Variants in ENAH observed in about 807,000 individuals in gnomAD.
ENAH encodes ENAH actin regulator.
A neutral mutation model predicts 78.7 loss-of-function variants in ENAH; 23 were observed. That is an observed-to-expected ratio of 0.29 (90% CI 0.21 to 0.41). The LOEUF (loss-of-function observed/expected upper bound fraction) is 0.41, where lower values mean the gene tolerates loss of function less well. Among genes scored for constraint, ENAH ranks in the 10% least tolerant of loss-of-function variants. The probability of loss-of-function intolerance (pLI) is 1.00; values close to 1 mark genes in which losing one functional copy is unlikely to be tolerated. For synonymous variants in ENAH, 226 were observed against 241.0 expected, an observed-to-expected ratio of 0.94 and a Z score of 0.58; for missense variants, 544 against 691.0, an observed-to-expected ratio of 0.79 and a Z score of 2.39.
At chr1:225,610,320 GAT>G (rs1229279059) in intron 1 of ENAH, among the ~76,000 whole-genome samples, 10 of 152,178 alleles carry the variant, frequency 6.6e-5, no homozygotes, top group Admixed American at 5.9e-4. Flanking sequence ...AATAAGAAAA[GAT>G]AGAGAAGTTT....
Position 225,530,643 on chromosome 1 carries a change from A to C in ENAH, c.350-5T>G. 6.2e-7 allele frequency: 1 copy of C among 1,605,812 alleles called. No homozygotes were observed. The highest frequency in any genetic ancestry group is 1.1e-5 in the South Asian group (1 of 90,816). ...TTTGTCTAGGCAATGTTGGCCCTAC[A>C]GAGGGAGAAAACATTACAGATGAAC... On this transcript the variant is annotated splice_region_variant and splice_polypyrimidine_tract_variant and intron_variant, in intron 3 of 13. Transcript: ENST00000366843.
At chr1:225,551,088 C>G (rs1217004601) in intron 3 of ENAH, among the ~76,000 whole-genome samples, 1 of 151,868 alleles carries the variant, frequency 6.6e-6, no homozygotes, top group Non-Finnish European at 1.5e-5. Context: ...GGTAATACAC[C>G]CATTTAAAAT....
Position 225,652,916 on chromosome 1 carries a change from G to A in ENAH, c.-226C>T. ...AGAGAAAGGCTGGGGAGGGGGCGGA[G>A]AGGCCGAGGCGCGGAGCTGGTCCCC... is the stretch of plus-strand genomic sequence containing the variant. On this transcript the variant is annotated 5_prime_UTR_variant, in exon 1 of 14. Transcript: ENST00000366843. 5.1e-6 allele frequency: 2 copies of A among 392,140 alleles called. No homozygotes were observed. Among genetic ancestry groups the A allele is most frequent in the Non-Finnish European group, 4.5e-6 (1 of 222,612 alleles). 24.3% of individuals were successfully genotyped at this position (392,140 alleles called of 1,614,324 possible).
chr1:225,528,905 C>CGAGG (rs1324724694), intron 4 of ENAH, among the ~76,000 whole-genome samples: 1 of 152,092 alleles, frequency 6.6e-6, no homozygotes, highest in Non-Finnish European at 1.5e-5. Context: ...AAAACCTCAA[C>CGAGG]CCCTCTCCTT....
chr1:225,602,791 T>C (rs2096937592), intron 1 of ENAH, among the ~76,000 whole-genome samples: 1 of 152,154 alleles, frequency 6.6e-6, no homozygotes, highest in South Asian at 2.1e-4. Flanking sequence ...TCACTGCTGC[T>C]GATGACATCA....
Position 225,582,302 on chromosome 1 carries a change from T to C in ENAH, c.6-14888A>G, listed in dbSNP as rs560274116. ...TAAAGCCTATGGAACCGTAAGCCAA[T>C]TAAACTTCTGTTCTTTATACATTAC... On this transcript the variant is annotated intron_variant, in intron 1 of 13. Coordinates refer to ENST00000366843, the MANE Select transcript of ENAH (RefSeq NM_018212.6). Among the ~76,000 whole-genome samples the C allele has an allele frequency of 3.9e-5, 6 of 152,282 alleles. No individual in the cohort carries two copies. The East Asian group carries it at 1.2e-3, about 29-fold the overall frequency.
intron 9 of ENAH, 117 bp from the exon 10 acceptor site, chr1:225,511,976 A>G: frequency 1.7e-6 from 1 of 599,122 alleles, no homozygotes; most frequent in Non-Finnish European, 2.9e-6. Flanking sequence ...TTTCTCTTTC[A>G]TCGGTCTTCT....
intron 1 of ENAH, 70 bp downstream of exon 1, chr1:225,652,616 C>A (rs1558969528): frequency 4.8e-6 from 6 of 1,246,784 alleles, no homozygotes; most frequent in Non-Finnish European, 5.1e-6. Flanking sequence ...AGGCGGGGTC[C>A]GAGGAGAACG....
chr1:225,645,032 A>G (rs1661690079), intron 1 of ENAH, among the ~76,000 whole-genome samples: 4 of 152,186 alleles, frequency 2.6e-5, no homozygotes, highest in Admixed American at 2.0e-4. Flanking sequence ...TACAGCTCCA[A>G]AATTTGTTCA....
At chr1:225,643,409 C>A (rs565612200) in intron 1 of ENAH, among the ~76,000 whole-genome samples, 1,828 of 150,128 alleles carry the variant, frequency 0.012, 23 homozygotes, top group Middle Eastern at 0.024. Flanking sequence ...AAAAAAAAAA[C>A]AAAACACAGC....
At chr1:225,559,906 C>T (rs77756568) in intron 2 of ENAH, among the ~76,000 whole-genome samples, 6,555 of 152,192 alleles carry the variant, frequency 0.043, 228 homozygotes, top group South Asian at 0.11. Context: ...CCTGGGTTCA[C>T]GGCAAAAGAC....
At position 225,519,342 on chromosome 1, in the gene ENAH, C is replaced by A; in HGVS notation, c.658G>T (p.Glu220Ter). The A allele has an allele frequency of 6.8e-7, 1 of 1,480,264 alleles. No individual in the cohort carries two copies. The highest frequency in any genetic ancestry group is 9.1e-7 in the Non-Finnish European group (1 of 1,093,832). The allele number at this position is 1,480,264 out of a possible 1,614,324, so 91.7% of individuals were successfully genotyped here. A position where few individuals can be genotyped will look rare whatever the true frequency, so the allele number is the denominator to read the frequency against. The change falls in exon 5 of 14, where the codon GAA (glutamate) becomes TAA (stop). Residue 220 changes from glutamate (E) to a stop codon, truncating the protein, a stop_gained. Transcript: ENST00000366843. LOFTEE classifies it high-confidence loss of function. Reference protein sequence around the residue: ...LERQERLERQERLDRERQERQ... With the variant: ...LERQERLERQ The stretch of plus-strand genomic sequence containing the variant: ...TCTTGCCTCTCCCGATCCAGGCGTT[C>A]CTGCCGCTCCAGGCGTTCCTGCCGC...
chr1:225,511,241 CAT>C (rs569885974), intron 10 of ENAH, among the ~76,000 whole-genome samples: 3 of 152,120 alleles, frequency 2.0e-5, no homozygotes, highest in South Asian at 2.1e-4. Flanking sequence ...GAAGAAATAA[CAT>C]GTGAATATGT....
At chr1:225,572,170 A>C (rs2151546510) in intron 1 of ENAH, among the ~76,000 whole-genome samples, 1 of 152,216 alleles carries the variant, frequency 6.6e-6, no homozygotes, top group South Asian at 2.1e-4. Flanking sequence ...GAATTATTGG[A>C]CACCCAGCTG....
Position 225,517,189 on chromosome 1 carries a change from G to C in ENAH, c.913+7C>G. 6.6e-7 allele frequency: 1 copy of C among 1,517,192 alleles called. No individual in the cohort carries two copies. Among genetic ancestry groups the C allele is most frequent in the South Asian group, 1.3e-5 (1 of 78,272 alleles). The allele number at this position is 1,517,192 out of a possible 1,614,324, so 94.0% of individuals were successfully genotyped here. A position where few individuals can be genotyped will look rare whatever the true frequency, so the allele number is the denominator to read the frequency against. Reference sequence around the variant, plus strand: ...TTAGCTGTTAGTAGCAATAATGAAAGCCTTACCCTGTTGGGATGGAGTCTC... The same window carrying C: ...TTAGCTGTTAGTAGCAATAATGAAACCCTTACCCTGTTGGGATGGAGTCTC... On this transcript the variant is annotated splice_region_variant and intron_variant, in intron 6 of 13. Transcript: ENST00000366843.
Position 225,501,041 on chromosome 1 carries a change from C to A in ENAH, c.1568G>T (p.Ser523Ile). 6.2e-7 allele frequency: 1 copy of A among 1,614,112 alleles called. No homozygotes were observed. The change falls in exon 12 of 14, where the codon AGT becomes ATT. Residue 523 changes from serine (S) to isoleucine (I), a missense_variant. Ser to Ile is a moderately radical substitution (Grantham distance 142). Transcript: ENST00000366843. ...RPKSTPLSQP[S>I]ANGVQTEGLD... ...TCCTTCCGTCTGGACTCCATTGGCACTGGGCTGTGATAAGGGTGTGGATTT... is the reference window on the plus strand; with the variant it reads ...TCCTTCCGTCTGGACTCCATTGGCAATGGGCTGTGATAAGGGTGTGGATTT...
At chr1:225,603,851 A>ATGGG (rs2148033897) in intron 1 of ENAH, among the ~76,000 whole-genome samples, 1 of 152,350 alleles carries the variant, frequency 6.6e-6, no homozygotes, top group Admixed American at 6.5e-5. Context: ...GCTAATGGCT[A>ATGGG]TGGGTTTAAA....
chr1:225,556,174 T>G (rs1225654758), intron 2 of ENAH, among the ~76,000 whole-genome samples: 2 of 152,370 alleles, frequency 1.3e-5, no homozygotes, highest in Non-Finnish European at 2.9e-5. Context: ...GTTATGAACT[T>G]TCTACTGCAT....
chr1:225,534,014 T>G (rs535184811), intron 3 of ENAH, among the ~76,000 whole-genome samples: 1 of 152,232 alleles, frequency 6.6e-6, no homozygotes, highest in East Asian at 1.9e-4. Flanking sequence ...CTTTAAAGAT[T>G]CACCTTCACT....
Sources: allele counts gnomAD v4.1 joint callset (sites outside exome capture counted in the v4.1 genomes callset), GRCh38; gene constraint gnomAD v4.1.1; transcripts MANE v1.5; gene names NCBI Gene and HGNC (gene_info 2026-07-23, HGNC 2026-07-21).